The following ZDHHC3 variants were observed in gnomAD, a reference collection of about 807,000 sequenced individuals.
ZDHHC3 encodes the protein palmitoyltransferase ZDHHC3.
ZDHHC3 carries 9 observed loss-of-function variants against 30.6 expected under a neutral mutation model. The observed-to-expected ratio is 0.29, with a 90% CI of 0.18 to 0.51. The LOEUF (loss-of-function observed/expected upper bound fraction) is 0.51, where lower values mean the gene tolerates loss of function less well. ZDHHC3 is among the 20% of genes least tolerant of loss of function. The pLI, the probability that ZDHHC3 is intolerant of heterozygous loss-of-function variation, is 0.97. For synonymous variants in ZDHHC3, 136 were observed against 140.2 expected (o/e 0.97, Z 0.21); for missense variants, 246 against 384.2 (o/e 0.64, Z 3.01).
In ZDHHC3 at chr3:44,924,944, C is replaced by T. The variant is rs917332581; in HGVS notation, c.*1745G>A. The stretch of plus-strand genomic sequence containing the variant: ...GAAAGCTCTTAGGAGAGCCCATCAG[C>T]ACAAAGGAATTGATTCAGGCTGCAG... On this transcript the variant is annotated 3_prime_UTR_variant, in exon 7 of 7. Coordinates refer to ENST00000424952, the MANE Select transcript of ZDHHC3 (RefSeq NM_001135179.2). The T allele has an allele frequency of 1.2e-4, 114 of 985,436 alleles. No individual in the cohort carries two copies. The highest frequency in any genetic ancestry group is 4.9e-4 in the Admixed American group (8 of 16,270). The allele number at this position is 985,436 out of a possible 1,614,324, so 61.0% of individuals were successfully genotyped here.
rs527880300 is a variant in ZDHHC3 at position 44,918,175 on chromosome 3, A to T, written c.*8514T>A. 4 of 1,294,336 alleles carry T rather than the reference A, an allele frequency of 3.1e-6. No individual in the cohort carries two copies. The highest frequency in any genetic ancestry group is 5.6e-5 in the East Asian group (1 of 17,888). 80.2% of individuals were successfully genotyped at this position (1,294,336 alleles called of 1,614,324 possible). ...GGAGAAGGGGATGAAGAACATCGTC[A>T]GCGTGGTGCTGGGCTGTACAGCTCA... On this transcript the variant is annotated 3_prime_UTR_variant, in exon 7 of 7. Transcript: ENST00000424952.
chr3:44,949,833 A>G (rs1401696619), intron 2 of ZDHHC3, among the ~76,000 whole-genome samples: 3 of 151,862 alleles, frequency 2.0e-5, no homozygotes, highest in Non-Finnish European at 2.9e-5. Context: ...CTTATTTTTC[A>G]TTATTTTTTC....
chr3:44,936,878 C>G (rs997463271), intron 3 of ZDHHC3, among the ~76,000 whole-genome samples: 1 of 147,836 alleles, frequency 6.8e-6, no homozygotes, highest in African/African-American at 2.5e-5. Context: ...AGTTAAAACC[C>G]CCCCCCAAAA....
intron 5 of ZDHHC3, among the ~76,000 whole-genome samples, chr3:44,930,385 G>A (rs1476782686): frequency 6.6e-6 from 1 of 152,206 alleles, no homozygotes; most frequent in African/African-American, 2.4e-5. Context: ...CTGACAGACA[G>A]GCTAGGCCCC....
chr3:44,954,711 T>C (rs997927526), intron 2 of ZDHHC3, among the ~76,000 whole-genome samples: 2 of 152,192 alleles, frequency 1.3e-5, no homozygotes, highest in African/African-American at 4.8e-5. Context: ...ATTACTGTCA[T>C]TGTGTAACAC....
chr3:44,973,583 C>T (rs1418304206), intron 1 of ZDHHC3, among the ~76,000 whole-genome samples: 1 of 152,102 alleles, frequency 6.6e-6, no homozygotes, highest in Non-Finnish European at 1.5e-5. Context: ...CTCAGCCTCC[C>T]GAGTAGCTGG....
Position 44,925,842 on chromosome 3 carries a change from T to C in ZDHHC3, c.*847A>G. 1 of 985,858 alleles carries C rather than the reference T, an allele frequency of 1.0e-6. No individual in the cohort carries two copies. Among genetic ancestry groups the C allele is most frequent in the Non-Finnish European group, 1.2e-6 (1 of 829,938 alleles). 61.1% of individuals were successfully genotyped at this position (985,858 alleles called of 1,614,324 possible). On this transcript the variant is annotated 3_prime_UTR_variant, in exon 7 of 7. Coordinates refer to ENST00000424952, the MANE Select transcript of ZDHHC3 (RefSeq NM_001135179.2). ...TCACACTGCTTAATTGACATCTTGC[T>C]GGGGAAGAGAGGGAGATGGGGTGGT...
chr3:44,919,048 C>T lies in ZDHHC3; in HGVS notation c.*7641G>A. ...TCAAGAAAGATCTCTGTGTATCTAG[C>T]ACTTTTTCTTCCCACGCCATTTCAG... On this transcript the variant is annotated 3_prime_UTR_variant, in exon 7 of 7. Transcript: ENST00000424952. 13 of 985,416 alleles carry T rather than the reference C, an allele frequency of 1.3e-5. No homozygotes were observed. The highest frequency in any genetic ancestry group is 1.6e-5 in the Non-Finnish European group (13 of 829,920). The allele number at this position is 985,416 out of a possible 1,614,324, so 61.0% of individuals were successfully genotyped here.
intron 2 of ZDHHC3, among the ~76,000 whole-genome samples, chr3:44,948,982 C>T (rs746845216): frequency 6.6e-6 from 1 of 152,234 alleles, no homozygotes; most frequent in Non-Finnish European, 1.5e-5. Context: ...TCTGAAGGAA[C>T]ACTTGTCCAC....
intron 2 of ZDHHC3, 66 bp from the exon 3 acceptor site, chr3:44,945,358 G>T: frequency 6.2e-7 from 1 of 1,604,754 alleles, no homozygotes; most frequent in Non-Finnish European, 8.5e-7. Context: ...ATTCTACAGT[G>T]GGGATAGTTA....
intron 2 of ZDHHC3, among the ~76,000 whole-genome samples, chr3:44,954,208 G>A (rs923487515): frequency 3.3e-5 from 5 of 152,138 alleles, no homozygotes; most frequent in African/African-American, 1.2e-4. Context: ...AAGAGGGGTC[G>A]GGGTGGGGGA....
At chr3:44,973,665 T>A (rs1290130665) in intron 1 of ZDHHC3, among the ~76,000 whole-genome samples, 1 of 151,982 alleles carries the variant, frequency 6.6e-6, no homozygotes, top group Non-Finnish European at 1.5e-5. Context: ...TCCATGTTGG[T>A]CAGGCTGGTC....
At chr3:44,974,147 T>C (rs1705665707) in intron 1 of ZDHHC3, among the ~76,000 whole-genome samples, 1 of 152,236 alleles carries the variant, frequency 6.6e-6, no homozygotes, top group Non-Finnish European at 1.5e-5. Context: ...AAAAGGAACA[T>C]TCTACTGTTT....
At chr3:44,942,684 G>A (rs1264769099) in intron 3 of ZDHHC3, among the ~76,000 whole-genome samples, 6 of 152,186 alleles carry the variant, frequency 3.9e-5, no homozygotes, top group Admixed American at 6.5e-5. Flanking sequence ...AATAGCTTAC[G>A]CTTGTTGAGC....
At position 44,921,672 on chromosome 3, in the gene ZDHHC3, C is replaced by T. The variant is rs542690248; in HGVS notation, c.*5017G>A. 3.1e-5 allele frequency: 30 copies of T among 970,352 alleles called. No individual in the cohort carries two copies. In the South Asian group the frequency reaches 5.2e-4, roughly 17 times the overall value. 60.1% of individuals were successfully genotyped at this position (970,352 alleles called of 1,614,324 possible). A position where few individuals can be genotyped will look rare whatever the true frequency, so the allele number is the denominator to read the frequency against. On this transcript the variant is annotated 3_prime_UTR_variant, in exon 7 of 7. Coordinates refer to ENST00000424952, the MANE Select transcript of ZDHHC3 (RefSeq NM_001135179.2). Reference sequence around the variant, plus strand: ...TATTCATCACCCTCATTTAATCCTTCCATTAACTTTGTGATTTAGATTATC... The same window carrying T: ...TATTCATCACCCTCATTTAATCCTTTCATTAACTTTGTGATTTAGATTATC...
At chr3:44,945,993 T>G (rs1269261542) in intron 2 of ZDHHC3, among the ~76,000 whole-genome samples, 4 of 152,238 alleles carry the variant, frequency 2.6e-5, no homozygotes, top group African/African-American at 9.6e-5. Flanking sequence ...GACTATTTTT[T>G]GGTCTATATT....
At chr3:44,954,980 C>T (rs1270898189) in intron 2 of ZDHHC3, among the ~76,000 whole-genome samples, 1 of 152,134 alleles carries the variant, frequency 6.6e-6, no homozygotes, top group Non-Finnish European at 1.5e-5. Context: ...ACACATGGAG[C>T]CATTCTAGAC....
Position 44,976,138 on chromosome 3 carries a change from G to T in ZDHHC3, c.-230C>A. The stretch of plus-strand genomic sequence containing the variant: ...CCCATCGAGCTCTCCCGGCAGTGGC[G>T]GCGGCCGCGGCTGCAGGAGCGGCCG... On this transcript the variant is annotated 5_prime_UTR_variant, in exon 1 of 7. Transcript: ENST00000424952. 6.5e-6 allele frequency: 4 copies of T among 619,552 alleles called. No homozygotes were observed. In the South Asian group the frequency reaches 1.1e-4, roughly 18 times the overall value. 38.4% of individuals were successfully genotyped at this position (619,552 alleles called of 1,614,324 possible). A position where few individuals can be genotyped will look rare whatever the true frequency, so the allele number is the denominator to read the frequency against.
chr3:44,952,214 C>A (rs1240773909), intron 2 of ZDHHC3, among the ~76,000 whole-genome samples: 1 of 152,120 alleles, frequency 6.6e-6, no homozygotes, highest in Non-Finnish European at 1.5e-5. Context: ...GGTAGAAATC[C>A]AGTAACCACC....
Sources: allele counts gnomAD v4.1 joint callset (sites outside exome capture counted in the v4.1 genomes callset), GRCh38; gene constraint gnomAD v4.1.1; transcripts MANE v1.5; gene names NCBI Gene and HGNC (gene_info 2026-07-23, HGNC 2026-07-21).